Variants in CDC14A observed in about 807,000 individuals in gnomAD.
CDC14A encodes the protein dual specificity protein phosphatase CDC14A.
Under a neutral mutation model 74.4 loss-of-function variants are expected in CDC14A, and 53 were observed. The ratio of observed to expected loss-of-function variants is 0.71; its 90% confidence interval spans 0.57 to 0.89. CDC14A has a LOEUF of 0.89. Among genes scored for constraint, CDC14A ranks in the 40% least tolerant of loss-of-function variants. The pLI is 0.00. For synonymous variants in CDC14A, 247 were observed against 258.4 expected, an observed-to-expected ratio of 0.96 and a Z score of 0.43; for missense variants, 646 against 713.7, an observed-to-expected ratio of 0.91 and a Z score of 1.08.
intron 3 of CDC14A, among the ~76,000 whole-genome samples, chr1:100,377,948 TCAG>T (rs1296631683): frequency 2.6e-5 from 4 of 151,020 alleles, no homozygotes; most frequent in African/African-American, 9.9e-5. Flanking sequence ...TCTGAAACCT[TCAG>T]ATATGCCTGT....
intron 2 of CDC14A, among the ~76,000 whole-genome samples, chr1:100,370,769 C>G (rs1349538458): frequency 6.6e-6 from 1 of 151,926 alleles, no homozygotes. Context: ...GTTCTTTTTG[C>G]TTATTGCTTT....
intron 9 of CDC14A, among the ~76,000 whole-genome samples, chr1:100,464,599 A>T (rs1557788438): frequency 6.6e-6 from 1 of 152,194 alleles, no homozygotes; most frequent in African/African-American, 2.4e-5. Flanking sequence ...TTTGTGCCAT[A>T]AAAATTGTAT....
chr1:100,377,675 A>G (rs755901891), intron 3 of CDC14A, 54 bp downstream of exon 3: 1 of 1,355,646 alleles, frequency 7.4e-7, no homozygotes, highest in African/African-American at 1.4e-5. Context: ...GAACCATAGG[A>G]TCTGCTCAGT....
At chr1:100,351,448 C>T (rs1265205338), upstream of CDC14A, among the ~76,000 whole-genome samples, 2 of 152,318 alleles carry the variant, frequency 1.3e-5, no homozygotes, top group Middle Eastern at 3.4e-3. Context: ...TTAGGTACAG[C>T]CTTAGGACGC....
At chr1:100,472,966 C>T (rs1668533631) in intron 10 of CDC14A, among the ~76,000 whole-genome samples, 1 of 151,990 alleles carries the variant, frequency 6.6e-6, no homozygotes, top group South Asian at 2.1e-4. Flanking sequence ...GATTACTGGA[C>T]CTATATAGTG....
chr1:100,473,523 A>T (rs1668595156), intron 10 of CDC14A, among the ~76,000 whole-genome samples: 1 of 151,956 alleles, frequency 6.6e-6, no homozygotes, highest in African/African-American at 2.4e-5. Context: ...AGTAGCTGGG[A>T]TTACAGGCGT....
intron 15 of CDC14A, among the ~76,000 whole-genome samples, chr1:100,517,011 A>G (rs1004049258): frequency 6.6e-6 from 1 of 152,160 alleles, no homozygotes; most frequent in Non-Finnish European, 1.5e-5. Context: ...ACTTTACACT[A>G]TGTATATTAC....
rs925664904 is a variant in CDC14A, at chr1:100,480,094, G to A, written c.978-4198G>A. Among the ~76,000 whole-genome samples the A allele has an allele frequency of 3.3e-5, 5 of 152,156 alleles. No homozygotes were observed. The South Asian group carries it at 1.0e-3, about 32-fold the overall frequency. On this transcript the variant is annotated intron_variant, in intron 10 of 15. Transcript: ENST00000336454. ...TGTGCAGCCATCACCACTATTTCCA[G>A]ACTGTTTCATCATTCCAAACAGAAA...
intron 15 of CDC14A, among the ~76,000 whole-genome samples, chr1:100,510,229 A>G (rs1017354818): frequency 6.6e-6 from 1 of 152,094 alleles, no homozygotes; most frequent in African/African-American, 2.4e-5. Flanking sequence ...GTCATCATCC[A>G]CTGTTTCTTG....
chr1:100,379,707 A>C (rs146573924), intron 3 of CDC14A, among the ~76,000 whole-genome samples: 25 of 152,316 alleles, frequency 1.6e-4, no homozygotes, highest in African/African-American at 5.8e-4. Context: ...TATAAAGAAA[A>C]GAGTTTTATA....
In CDC14A at chr1:100,404,252, A is replaced by G. The variant is rs144719852; in HGVS notation, c.309+13428A>G. On this transcript the variant is annotated intron_variant, in intron 4 of 15. Transcript: ENST00000336454. ...GTTTGCTGTGTGTTCAGTTATTTCT[A>G]AGATTTTTAGTGTTCAAAATAGGGT... 7.7e-3 allele frequency among the ~76,000 whole-genome samples: 1,163 copies of G among 151,928 alleles called. 14 individuals are homozygous for G. Among genetic ancestry groups the G allele is most frequent in the African/African-American group, 0.027 (1,112 of 41,410 alleles).
chr1:100,358,992 A>G (rs1326841289), intron 2 of CDC14A, among the ~76,000 whole-genome samples: 1 of 152,260 alleles, frequency 6.6e-6, no homozygotes, highest in Non-Finnish European at 1.5e-5. Flanking sequence ...CCACTTAAGC[A>G]TATACACACA....
intron 9 of CDC14A, among the ~76,000 whole-genome samples, chr1:100,467,195 C>G (rs1312366436): frequency 6.6e-6 from 1 of 151,932 alleles, no homozygotes; most frequent in Non-Finnish European, 1.5e-5. Flanking sequence ...TTAATTTTTT[C>G]TTTCTTAGTG....
intron 11 of CDC14A, among the ~76,000 whole-genome samples, chr1:100,492,486 T>C (rs1670805728): frequency 6.6e-6 from 1 of 152,228 alleles, no homozygotes. Flanking sequence ...CTGGTTGTTG[T>C]AGACAGGATG....
chr1:100,488,054 C>A (rs1049597939), intron 11 of CDC14A, among the ~76,000 whole-genome samples: 6 of 152,182 alleles, frequency 3.9e-5, no homozygotes, highest in African/African-American at 1.4e-4. Context: ...CTAAGCTACA[C>A]AAGTGCATTA....
chr1:100,473,361 A>G (rs1000006643), intron 10 of CDC14A, among the ~76,000 whole-genome samples: 6 of 151,916 alleles, frequency 3.9e-5, no homozygotes, highest in Non-Finnish European at 7.4e-5. Flanking sequence ...GCTGGTATGT[A>G]GAAATACAAT....
intron 5 of CDC14A, among the ~76,000 whole-genome samples, chr1:100,430,359 A>G (rs187325696): frequency 1.3e-5 from 2 of 152,324 alleles, no homozygotes; most frequent in Admixed American, 1.3e-4. Context: ...CTTTTATGAC[A>G]TCTGTCATTA....
chr1:100,389,769 G>A (rs1327520093), intron 3 of CDC14A, among the ~76,000 whole-genome samples: 1 of 152,108 alleles, frequency 6.6e-6, no homozygotes, highest in East Asian at 1.9e-4. Flanking sequence ...TGCTTTTATA[G>A]TCAATGTGAA....
intron 2 of CDC14A, among the ~76,000 whole-genome samples, chr1:100,374,657 A>G (rs1403723855): frequency 6.6e-6 from 1 of 152,292 alleles, no homozygotes; most frequent in South Asian, 2.1e-4. Flanking sequence ...TAGGGATGAA[A>G]TATACAAATT....
Sources: gnomAD v4.1 joint callset for allele counts (sites outside exome capture counted in the v4.1 genomes callset) on GRCh38, gnomAD v4.1.1 for gene constraint, MANE v1.5 for transcripts, NCBI Gene and HGNC (gene_info 2026-07-23, HGNC 2026-07-21) for gene names.